Variants in NRG1 observed in about 807,000 individuals in gnomAD.
NRG1 encodes the protein pro-neuregulin-1, membrane-bound isoform.
NRG1 carries 18 observed loss-of-function variants against 63.8 expected under a neutral mutation model. That is an observed-to-expected ratio of 0.28 (90% CI 0.19 to 0.42). NRG1 has a LOEUF of 0.42. Ranked by LOEUF, NRG1 falls within the 10% of genes least tolerant of loss-of-function variation. The probability of loss-of-function intolerance (pLI) is 1.00; values close to 1 mark genes in which losing one functional copy is unlikely to be tolerated. For synonymous variants in NRG1, 302 were observed against 301.3 expected (o/e 1.00, Z -0.02); for missense variants, 762 against 814.7 (o/e 0.94, Z 0.79).
chr8:32,248,497 T>G (rs1214682884), intron 1 of NRG1, among the ~76,000 whole-genome samples: 1 of 152,072 alleles, frequency 6.6e-6, no homozygotes, highest in Non-Finnish European at 1.5e-5. Flanking sequence ...AAATTATGCT[T>G]GGTTACCAAT....
intron 1 of NRG1, among the ~76,000 whole-genome samples, chr8:32,316,136 A>G (rs1857359736): frequency 6.6e-6 from 1 of 152,204 alleles, no homozygotes; most frequent in African/African-American, 2.4e-5. Context: ...GTGCCGCAAC[A>G]TTCATGTATC....
intron 1 of NRG1, among the ~76,000 whole-genome samples, chr8:32,215,761 G>A (rs773562136): frequency 3.3e-5 from 5 of 152,186 alleles, no homozygotes; most frequent in Non-Finnish European, 5.9e-5. Flanking sequence ...ATTGGTAGTT[G>A]CAGGGTGCAG....
intron 1 of NRG1, among the ~76,000 whole-genome samples, chr8:32,427,166 C>G (rs958683700): frequency 2.0e-5 from 3 of 152,152 alleles, no homozygotes; most frequent in African/African-American, 7.2e-5. Flanking sequence ...TCTGGGCTAA[C>G]TTTAACTCTT....
chr8:32,506,666 C>T (rs925091316), intron 1 of NRG1, among the ~76,000 whole-genome samples: 3 of 152,178 alleles, frequency 2.0e-5, no homozygotes, highest in Non-Finnish European at 4.4e-5. Flanking sequence ...CAAGGAAATG[C>T]TCATACTGCA....
At chr8:32,093,917 G>C (rs1041920070) in intron 1 of NRG1, among the ~76,000 whole-genome samples, 2 of 152,146 alleles carry the variant, frequency 1.3e-5, no homozygotes, top group African/African-American at 4.8e-5. Context: ...GCATCTTTCA[G>C]CCTGGATATG....
intron 1 of NRG1, among the ~76,000 whole-genome samples, chr8:31,772,462 T>C (rs1269901839): frequency 6.6e-6 from 1 of 152,222 alleles, no homozygotes; most frequent in Admixed American, 6.5e-5. Flanking sequence ...CAGGCTTATT[T>C]TCCTTCGGAT....
At chr8:32,017,084 T>TA (rs1815657527) in intron 1 of NRG1, among the ~76,000 whole-genome samples, 1 of 152,244 alleles carries the variant, frequency 6.6e-6, no homozygotes, top group South Asian at 2.1e-4. Context: ...GAATGGTTAC[T>TA]ATTTATGACT....
At chr8:32,540,115 A>C (rs1006638047) in intron 1 of NRG1, among the ~76,000 whole-genome samples, 1 of 152,198 alleles carries the variant, frequency 6.6e-6, no homozygotes, top group Non-Finnish European at 1.5e-5. Flanking sequence ...TCTTCGATAG[A>C]AAGGGGAAAG....
intron 1 of NRG1, among the ~76,000 whole-genome samples, chr8:31,858,620 T>C (rs1203531292): frequency 6.6e-6 from 1 of 152,126 alleles, no homozygotes; most frequent in Non-Finnish European, 1.5e-5. Flanking sequence ...CAAAAAAATG[T>C]TCATGGTCAC....
intron 1 of NRG1, among the ~76,000 whole-genome samples, chr8:31,754,205 G>A (rs144548801): frequency 6.6e-6 from 1 of 152,184 alleles, no homozygotes; most frequent in African/African-American, 2.4e-5. Context: ...GTCTGAATGT[G>A]TGTCTCTGCC....
At chr8:31,982,642 T>G (rs1312292509) in intron 1 of NRG1, among the ~76,000 whole-genome samples, 2 of 152,062 alleles carry the variant, frequency 1.3e-5, no homozygotes, top group Non-Finnish European at 2.9e-5. Context: ...GGTCCATTTT[T>G]GTGATGTGAT....
chr8:32,005,649 T>C (rs924836935), intron 1 of NRG1, among the ~76,000 whole-genome samples: 1 of 152,036 alleles, frequency 6.6e-6, no homozygotes, highest in Admixed American at 6.6e-5. Context: ...TGTTATGCTT[T>C]AGACACTTGA....
intron 1 of NRG1, among the ~76,000 whole-genome samples, chr8:31,919,700 A>T (rs1680168): frequency 6.6e-6 from 1 of 151,808 alleles, no homozygotes; most frequent in Admixed American, 6.6e-5. Context: ...ATTTTCATGG[A>T]ACAATGCATT....
intron 1 of NRG1, among the ~76,000 whole-genome samples, chr8:32,454,573 CTTTTTTTT>C (rs1158217383): frequency 1.7e-4 from 13 of 76,408 alleles, no homozygotes; most frequent in Non-Finnish European, 2.2e-4. Context: ...TCCCATCCCT[CTTTTTTTT>C]TTTTTTTTTT....
chr8:32,596,046 A>G, intron 2 of NRG1, 41 bp downstream of exon 2: 1 of 1,466,456 alleles, frequency 6.8e-7, no homozygotes, highest in African/African-American at 1.4e-5. Context: ...GCCCCCAGCA[A>G]TAAGATAACA....
intron 1 of NRG1, among the ~76,000 whole-genome samples, chr8:31,835,634 G>A (rs1825620803): frequency 6.6e-6 from 1 of 152,100 alleles, no homozygotes; most frequent in Non-Finnish European, 1.5e-5. Flanking sequence ...AAACCCCTTA[G>A]GCTGCATATT....
intron 1 of NRG1, among the ~76,000 whole-genome samples, chr8:32,038,764 A>G (rs1011338317): frequency 6.6e-6 from 1 of 152,020 alleles, no homozygotes; most frequent in African/African-American, 2.4e-5. Context: ...TGTTCCCCCA[A>G]GCAGTCAGGC....
At chr8:32,007,330 G>A (rs530358272) in intron 1 of NRG1, among the ~76,000 whole-genome samples, 1 of 152,078 alleles carries the variant, frequency 6.6e-6, no homozygotes, top group East Asian at 1.9e-4. Context: ...TAATTGATCA[G>A]GCAAATAATC....
intron 1 of NRG1, among the ~76,000 whole-genome samples, chr8:32,059,489 T>C (rs1330903912): frequency 2.0e-5 from 3 of 152,008 alleles, no homozygotes. Flanking sequence ...AGTAACTTCC[T>C]AAGAGAAAGC....
Sources: allele counts gnomAD v4.1 joint callset (sites outside exome capture counted in the v4.1 genomes callset), GRCh38; gene constraint gnomAD v4.1.1; transcripts MANE v1.5; gene names NCBI Gene and HGNC (gene_info 2026-07-23, HGNC 2026-07-21).